The following KSR2 variants were observed in gnomAD, a reference collection of about 807,000 sequenced individuals.
KSR2 encodes the protein kinase suppressor of ras 2.
In KSR2, 25 loss-of-function variants were observed where a neutral mutation model predicts 107.8. The observed-to-expected ratio is 0.23, with a 90% CI of 0.17 to 0.32. KSR2 has a LOEUF of 0.32. KSR2 is among the 10% of genes least tolerant of loss of function. The probability of loss-of-function intolerance (pLI) is 1.00; values close to 1 mark genes in which losing one functional copy is unlikely to be tolerated. For missense variants in KSR2, 887 were observed against 1,268.9 expected (o/e 0.70, Z 4.57); for synonymous variants, 480 against 507.0 (o/e 0.95, Z 0.71).
intron 3 of KSR2, among the ~76,000 whole-genome samples, chr12:117,786,835 GCCTGATCAACA>G (rs1167569793): frequency 6.6e-6 from 1 of 151,812 alleles, no homozygotes; most frequent in Non-Finnish European, 1.5e-5. Flanking sequence ...TTCGAGACCA[GCCTGATCAACA>G]TGGAGAAACC....
intron 4 of KSR2, among the ~76,000 whole-genome samples, chr12:117,701,232 A>C (rs1253686297): frequency 6.6e-6 from 1 of 152,182 alleles, no homozygotes; most frequent in Non-Finnish European, 1.5e-5. Context: ...AGCTGAGACT[A>C]TGGGCATGCA....
At chr12:117,601,617 G>A (rs954351646) in intron 5 of KSR2, among the ~76,000 whole-genome samples, 1 of 152,148 alleles carries the variant, frequency 6.6e-6, no homozygotes, top group Non-Finnish European at 1.5e-5. Flanking sequence ...CCAGAAGCTG[G>A]GAGAGGCAAG....
Position 117,463,294 on chromosome 12 carries a change from C to T in KSR2, c.*3905G>A, listed in dbSNP as rs1421843093. 2 of 152,248 alleles carry T rather than the reference C, an allele frequency of 1.3e-5. No individual in the cohort carries two copies. The highest frequency in any genetic ancestry group is 4.8e-5 in the African/African-American group (2 of 41,442). 9.4% of individuals were successfully genotyped at this position (152,248 alleles called of 1,614,324 possible). A position where few individuals can be genotyped will look rare whatever the true frequency, so the allele number is the denominator to read the frequency against. ...TGGCCTTCTTCCGCTGAAACAAGTTCTCTCCCCCTCCAACTTCCTGTTCCT... is the reference window on the plus strand; with the variant it reads ...TGGCCTTCTTCCGCTGAAACAAGTTTTCTCCCCCTCCAACTTCCTGTTCCT... On this transcript the variant is annotated 3_prime_UTR_variant, in exon 20 of 20. Coordinates refer to ENST00000339824, the MANE Select transcript of KSR2 (RefSeq NM_173598.6).
intron 12 of KSR2, 22 bp from the exon 13 acceptor site, chr12:117,527,141 C>T (rs571872707): frequency 1.8e-5 from 28 of 1,592,690 alleles, no homozygotes; most frequent in East Asian, 2.2e-5. Context: ...GAAAAATAAA[C>T]GTGATCCCTA....
intron 1 of KSR2, among the ~76,000 whole-genome samples, chr12:117,921,322 T>C (rs1895338098): frequency 6.6e-6 from 1 of 152,248 alleles, no homozygotes; most frequent in African/African-American, 2.4e-5. Flanking sequence ...GTGGCATATA[T>C]ACTTACGTGA....
intron 1 of KSR2, among the ~76,000 whole-genome samples, chr12:117,904,712 A>T (rs143414821): frequency 6.6e-6 from 1 of 152,294 alleles, no homozygotes; most frequent in East Asian, 1.9e-4. Flanking sequence ...ATGCTGAGTC[A>T]CTTAGCCATG....
At chr12:117,757,235 A>G (rs941397192) in intron 4 of KSR2, among the ~76,000 whole-genome samples, 4 of 152,194 alleles carry the variant, frequency 2.6e-5, no homozygotes, top group African/African-American at 9.7e-5. Flanking sequence ...GTAACTGCAG[A>G]TGCGGTGGAA....
chr12:117,861,060 C>T (rs61228256), intron 1 of KSR2, among the ~76,000 whole-genome samples: 38,604 of 151,968 alleles, frequency 0.25, 5,277 homozygotes, highest in African/African-American at 0.33. Context: ...TGCAGGAACT[C>T]CTCCAACAGA....
At chr12:117,725,152 A>T (rs1434890202) in intron 4 of KSR2, among the ~76,000 whole-genome samples, 1 of 152,028 alleles carries the variant, frequency 6.6e-6, no homozygotes, top group East Asian at 1.9e-4. Flanking sequence ...AGACTGCAGA[A>T]AGGCACGAGA....
intron 3 of KSR2, among the ~76,000 whole-genome samples, chr12:117,851,888 T>TAA (rs569745181): frequency 1.5e-5 from 2 of 134,644 alleles, no homozygotes; most frequent in East Asian, 4.3e-4. Context: ...GACTCCATCT[T>TAA]AAAAAAAAAA....
intron 2 of KSR2, among the ~76,000 whole-genome samples, chr12:117,858,815 G>C (rs960845033): frequency 2.0e-5 from 3 of 152,212 alleles, no homozygotes; most frequent in African/African-American, 7.2e-5. Flanking sequence ...CTCTGTACAA[G>C]GGGGATAACA....
chr12:117,525,204 C>G lies in KSR2; in HGVS notation c.1867G>C (p.Asp623His), dbSNP rs761133923. Residue 623 changes from aspartate to histidine, a missense_variant, in exon 14 of 20, where the codon GAT becomes CAT. This residue lies in a region of KSR2 where 308 missense variants were observed against 506.2 expected (regional missense o/e 0.61). Transcript: ENST00000339824. The part of the protein sequence containing the change: ...EPTSENEEVH[D>H]EAEESEDDFE... ...TCATCCTCTGACTCTTCGGCCTCAT[C>G]ATGGACCTCTTCATTCTGTGGCCGG... The G allele has an allele frequency of 7.5e-6, 12 of 1,603,392 alleles. No individual in the cohort carries two copies. The highest frequency in any genetic ancestry group is 1.0e-5 in the Non-Finnish European group (12 of 1,172,584).
chr12:117,635,599 C>T (rs989573178), intron 5 of KSR2, among the ~76,000 whole-genome samples: 5 of 152,052 alleles, frequency 3.3e-5, no homozygotes, highest in Admixed American at 2.0e-4. Context: ...AAATAAAGAA[C>T]AGAAAATATA....
At chr12:117,712,981 T>C (rs1330501890) in intron 4 of KSR2, among the ~76,000 whole-genome samples, 3 of 151,188 alleles carry the variant, frequency 2.0e-5, no homozygotes, top group African/African-American at 2.4e-5. Flanking sequence ...TAGATATAGA[T>C]AGATAATAGA....
At chr12:117,499,516 G>T (rs1482428644) in intron 14 of KSR2, among the ~76,000 whole-genome samples, 2 of 152,230 alleles carry the variant, frequency 1.3e-5, no homozygotes, top group Admixed American at 1.3e-4. Context: ...GAACTGAAAT[G>T]AGAAAGTGGA....
chr12:117,605,903 T>G (rs1025587687), intron 5 of KSR2, among the ~76,000 whole-genome samples: 1 of 152,134 alleles, frequency 6.6e-6, no homozygotes, highest in African/African-American at 2.4e-5. Flanking sequence ...TGTTCTCACT[T>G]ATAAGTGGGA....
rs1036430928 is a variant in KSR2 at position 117,750,039 on chromosome 12, G to A, written c.986+10972C>T. 2.0e-5 allele frequency among the ~76,000 whole-genome samples: 3 copies of A among 152,112 alleles called. No homozygotes were observed. The East Asian group carries it at 5.8e-4, about 29-fold the overall frequency. The stretch of plus-strand genomic sequence containing the variant: ...GAGGCAGGTGGACCACCCGAGGTCA[G>A]GAGTTCGAGACCAGCCTGGCCAACA... On this transcript the variant is annotated intron_variant, in intron 4 of 19. Transcript: ENST00000339824.
At chr12:117,734,638 T>C (rs1448505420) in intron 4 of KSR2, among the ~76,000 whole-genome samples, 1 of 152,190 alleles carries the variant, frequency 6.6e-6, no homozygotes, top group African/African-American at 2.4e-5. Context: ...TGCTGAACTG[T>C]AAGCTCCTGA....
In KSR2 at chr12:117,946,671, G is replaced by C; in HGVS notation, c.180+21405C>G. On this transcript the variant is annotated intron_variant, in intron 1 of 19. Coordinates refer to ENST00000339824, the MANE Select transcript of KSR2 (RefSeq NM_173598.6). Reference sequence around the variant, plus strand: ...AACTAAACAAAGGCAGTACAAAAAAGGAAAACCACAGATCAATATCCCTCA... The same window carrying C: ...AACTAAACAAAGGCAGTACAAAAAACGAAAACCACAGATCAATATCCCTCA... Among the ~76,000 whole-genome samples the C allele has an allele frequency of 1.3e-5, 2 of 151,926 alleles. 1 individual carries two copies.
Sources: gnomAD v4.1 joint callset for allele counts (sites outside exome capture counted in the v4.1 genomes callset) on GRCh38, gnomAD v4.1.1 for gene constraint, gnomAD v4.1.1 regional missense constraint, MANE v1.5 for transcripts, NCBI Gene and HGNC (gene_info 2026-07-23, HGNC 2026-07-21) for gene names.